PGBD5: variants seen among roughly 807,000 people sequenced by gnomAD.
PGBD5 encodes the protein piggyBac transposable element derived 5.
A neutral mutation model predicts 47.9 loss-of-function variants in PGBD5; 14 were observed. That is an observed-to-expected ratio of 0.29 (90% CI 0.19 to 0.46). The LOEUF is 0.46. PGBD5 is among the 20% of genes least tolerant of loss of function. PGBD5 has a pLI of 1.00. For missense variants in PGBD5, 635 were observed against 716.0 expected (o/e 0.89, Z 1.29); for synonymous variants, 316 against 306.3 (o/e 1.03, Z -0.33).
At chr1:230,352,518 T>C (rs1383213585) in intron 2 of PGBD5, among the ~76,000 whole-genome samples, 4 of 152,158 alleles carry the variant, frequency 2.6e-5, no homozygotes, top group African/African-American at 9.7e-5. Flanking sequence ...GCAAATTGAA[T>C]GCAAGGTTAC....
At chr1:230,348,801 G>A (rs1292333294) in intron 3 of PGBD5, among the ~76,000 whole-genome samples, 1 of 152,078 alleles carries the variant, frequency 6.6e-6, no homozygotes, top group Admixed American at 6.5e-5. Flanking sequence ...GACTGCGGGG[G>A]CTGAGAAAGT....
At chr1:230,350,328 C>A (rs550635381) in intron 3 of PGBD5, among the ~76,000 whole-genome samples, 10 of 152,220 alleles carry the variant, frequency 6.6e-5, no homozygotes, top group Admixed American at 6.5e-4. Context: ...ACCTCAGATG[C>A]TTTTCCTGGG....
At chr1:230,343,705 A>C (rs1415619509) in intron 3 of PGBD5, among the ~76,000 whole-genome samples, 1 of 152,226 alleles carries the variant, frequency 6.6e-6, no homozygotes, top group Non-Finnish European at 1.5e-5. Context: ...AATTAATTCC[A>C]TAGTGGTCCT....
At chr1:230,421,237 C>T (rs1657639541) in intron 1 of PGBD5, among the ~76,000 whole-genome samples, 1 of 152,120 alleles carries the variant, frequency 6.6e-6, no homozygotes, top group Non-Finnish European at 1.5e-5. Flanking sequence ...TGGCAAGATT[C>T]TACTCTTCTG....
At chr1:230,368,002 C>T (rs11580332) in intron 1 of PGBD5, 6 of 1,367,882 alleles carry the variant, frequency 4.4e-6, no homozygotes, top group Non-Finnish European at 4.9e-6. Flanking sequence ...TGGGGGTTCT[C>T]TTCCCCACGC....
chr1:230,368,271 T>A, intron 1 of PGBD5: 1 of 1,200,782 alleles, frequency 8.3e-7, no homozygotes, highest in Non-Finnish European at 1.1e-6. Context: ...CTTAGAAATG[T>A]GTGTTGCTGA....
Position 230,337,214 on chromosome 1 carries a change from G to A in PGBD5, c.969C>T (p.Ser323=). ...TCCGGCACAGGCTCCTGGCCACCAT[G>A]CTGTGGAGCTGGGGCTTATTCTTCA... The part of the protein sequence containing the change: ...DALKNKPQLH[S]MVARSLCRNA... Residue 323 remains serine, a synonymous_variant, in exon 4 of 7, where the codon AGC becomes AGT. Coordinates refer to ENST00000391860, the MANE Select transcript of PGBD5 (RefSeq NM_001258311.2). 2 of 1,614,178 alleles carry A rather than the reference G, an allele frequency of 1.2e-6. No homozygotes were observed. Among genetic ancestry groups the A allele is most frequent in the Non-Finnish European group, 1.7e-6 (2 of 1,180,036 alleles).
intron 1 of PGBD5, among the ~76,000 whole-genome samples, chr1:230,381,283 T>C (rs1383849988): frequency 6.6e-6 from 1 of 152,218 alleles, no homozygotes; most frequent in Non-Finnish European, 1.5e-5. Flanking sequence ...CACTCAGGTA[T>C]AGTATAATCC....
chr1:230,391,990 C>G (rs772531610), intron 1 of PGBD5, among the ~76,000 whole-genome samples: 4 of 152,132 alleles, frequency 2.6e-5, no homozygotes, highest in African/African-American at 9.7e-5. Flanking sequence ...TTTAATGATG[C>G]GGTTAGAAAG....
intron 2 of PGBD5, among the ~76,000 whole-genome samples, chr1:230,351,595 G>A (rs1181522872): frequency 6.6e-6 from 1 of 152,098 alleles, no homozygotes; most frequent in African/African-American, 2.4e-5. Context: ...TCTGTCCAGT[G>A]AGAAACAAAG....
chr1:230,403,215 G>A (rs954126328), intron 1 of PGBD5, among the ~76,000 whole-genome samples: 12 of 152,178 alleles, frequency 7.9e-5, no homozygotes, highest in Non-Finnish European at 1.0e-4. Flanking sequence ...ACTTACAGTC[G>A]AAGTGTCTTA....
At chr1:230,422,543 T>A (rs991280612) in intron 1 of PGBD5, among the ~76,000 whole-genome samples, 1 of 151,930 alleles carries the variant, frequency 6.6e-6, no homozygotes, top group Non-Finnish European at 1.5e-5. Flanking sequence ...TCCACAGGGG[T>A]TAAGAGCCCA....
At chr1:230,345,391 G>A (rs568870389) in intron 3 of PGBD5, among the ~76,000 whole-genome samples, 29 of 152,366 alleles carry the variant, frequency 1.9e-4, no homozygotes, top group Middle Eastern at 3.4e-3. Context: ...GTCATCATCT[G>A]TATAAATCTC....
chr1:230,332,855 G>C lies in PGBD5; in HGVS notation c.1262C>G (p.Pro421Arg). The C allele has an allele frequency of 6.2e-7, 1 of 1,614,180 alleles. No homozygotes were observed. Among genetic ancestry groups the C allele is most frequent in the East Asian group, 2.2e-5 (1 of 44,872 alleles). Residue 421 changes from proline to arginine, a missense_variant, in exon 5 of 7, where the codon CCG (proline) becomes CGG (arginine). Coordinates refer to ENST00000391860, the MANE Select transcript of PGBD5 (RefSeq NM_001258311.2). The stretch of plus-strand genomic sequence containing the variant: ...GGACCCGCACTCACCCTGCTGCACC[G>C]GGGAGTAGGCGTTGGTCAGGAAGCG... ...HFRFLTNAYS[P>R]VQQGVIIKRK...
Position 230,351,131 on chromosome 1 carries a change from A to C in PGBD5, c.760-39T>G, listed in dbSNP as rs781065655. ...AAAAGCAGAGGCTCTCACGGAAGGCAGCATGAGCTTGAGGGCTCATCAGAT... is the reference window on the plus strand; with the variant it reads ...AAAAGCAGAGGCTCTCACGGAAGGCCGCATGAGCTTGAGGGCTCATCAGAT... On this transcript the variant is annotated intron_variant, in intron 2 of 6. Coordinates refer to ENST00000391860, the MANE Select transcript of PGBD5 (RefSeq NM_001258311.2). The C allele has an allele frequency of 1.1e-5, 17 of 1,593,216 alleles. No homozygotes were observed. In the African/African-American group the frequency reaches 2.0e-4, roughly 19 times the overall value.
chr1:230,377,006 G>A (rs1300833978), intron 1 of PGBD5, among the ~76,000 whole-genome samples: 1 of 152,178 alleles, frequency 6.6e-6, no homozygotes, highest in Non-Finnish European at 1.5e-5. Context: ...CAGCTAGCAA[G>A]TAAGGGCCCA....
At chr1:230,404,386 G>A (rs1657218496) in intron 1 of PGBD5, among the ~76,000 whole-genome samples, 2 of 151,904 alleles carry the variant, frequency 1.3e-5, no homozygotes, top group Admixed American at 1.3e-4. Context: ...GGACTGAGGT[G>A]GAAAGATTGC....
intron 1 of PGBD5, among the ~76,000 whole-genome samples, chr1:230,396,750 T>C (rs1656990190): frequency 6.6e-6 from 1 of 151,822 alleles, no homozygotes; most frequent in Admixed American, 6.6e-5. Context: ...TGACATGAGA[T>C]CCCGGCAGGC....
At chr1:230,411,973 C>T (rs1011752925) in intron 1 of PGBD5, among the ~76,000 whole-genome samples, 1 of 151,994 alleles carries the variant, frequency 6.6e-6, no homozygotes, top group Non-Finnish European at 1.5e-5. Context: ...AAAACAAACC[C>T]GTATTTGTTA....
Sources: gnomAD v4.1 joint callset for allele counts (sites outside exome capture counted in the v4.1 genomes callset) on GRCh38, gnomAD v4.1.1 for gene constraint, MANE v1.5 for transcripts, NCBI Gene and HGNC (gene_info 2026-07-23, HGNC 2026-07-21) for gene names.